Variants in FAM53B observed in about 807,000 individuals in gnomAD.
The protein encoded by FAM53B is family with sequence similarity 53 member B, also known as protein FAM53B.
A neutral mutation model predicts 32.7 loss-of-function variants in FAM53B; 12 were observed. The observed-to-expected ratio is 0.37, with a 90% CI of 0.24 to 0.59. FAM53B has a LOEUF of 0.59. Among genes scored for constraint, FAM53B ranks in the 20% least tolerant of loss-of-function variants. The pLI is 0.72. For synonymous variants in FAM53B, 234 were observed against 228.7 expected, an observed-to-expected ratio of 1.02 and a Z score of -0.21; for missense variants, 477 against 577.7, an observed-to-expected ratio of 0.83 and a Z score of 1.79.
At chr10:124,631,623 A>G (rs560808178) in intron 4 of FAM53B, among the ~76,000 whole-genome samples, 2 of 151,618 alleles carry the variant, frequency 1.3e-5, no homozygotes, top group African/African-American at 4.8e-5. Flanking sequence ...CCCGGCCACC[A>G]CTCTCGGGCT....
At chr10:124,667,474 A>C (rs1589744148) in intron 4 of FAM53B, 1 of 739,498 alleles carries the variant, frequency 1.4e-6, no homozygotes, top group Non-Finnish European at 2.5e-6. Flanking sequence ...CCCCCACCTC[A>C]CCTGCCAACA....
At chr10:124,681,528 T>G in intron 4 of FAM53B, 79 bp downstream of exon 4, 1 of 1,293,962 alleles carries the variant, frequency 7.7e-7, no homozygotes, top group Non-Finnish European at 1.0e-6. Context: ...ACTGGCAATC[T>G]ATGCTTGTCT....
chr10:124,710,857 C>A (rs1279752445), intron 1 of FAM53B, among the ~76,000 whole-genome samples: 1 of 152,184 alleles, frequency 6.6e-6, no homozygotes, highest in Non-Finnish European at 1.5e-5. Flanking sequence ...GGGATTTGAA[C>A]CCTGGTGGGC....
chr10:124,638,540 T>C (rs1949448651), intron 4 of FAM53B, among the ~76,000 whole-genome samples: 1 of 152,140 alleles, frequency 6.6e-6, no homozygotes, highest in South Asian at 2.1e-4. Context: ...TCAGAGGGGT[T>C]TGAACAGCAC....
At position 124,622,873 on chromosome 10, in the gene FAM53B, C is replaced by T. The variant is rs1949320817; in HGVS notation, c.*369G>A. 2 of 188,346 alleles carry T rather than the reference C, an allele frequency of 1.1e-5. No homozygotes were observed. The highest frequency in any genetic ancestry group is 1.1e-4 in the Admixed American group (2 of 17,434). The allele number at this position is 188,346 out of a possible 1,614,324, so 11.7% of individuals were successfully genotyped here. ...CCCACCCCAGGCCCTCCCTGACAGCCCCCACCACCAGGGGGATACAGAGCG... is the reference window on the plus strand; with the variant it reads ...CCCACCCCAGGCCCTCCCTGACAGCTCCCACCACCAGGGGGATACAGAGCG... On this transcript the variant is annotated 3_prime_UTR_variant, in exon 5 of 5. Transcript: ENST00000337318.
At chr10:124,696,305 G>A in intron 2 of FAM53B, 93 bp from the exon 3 acceptor site, 2 of 1,083,508 alleles carry the variant, frequency 1.8e-6, no homozygotes, top group African/African-American at 1.6e-5. Flanking sequence ...ACAATAAAAG[G>A]GTGACTGTCC....
intron 4 of FAM53B, among the ~76,000 whole-genome samples, chr10:124,630,306 C>T (rs756008834): frequency 6.6e-6 from 1 of 152,118 alleles, no homozygotes; most frequent in African/African-American, 2.4e-5. Context: ...CCCCGCTACT[C>T]GGGAGGCTGA....
At chr10:124,637,804 C>A (rs558201462) in intron 4 of FAM53B, among the ~76,000 whole-genome samples, 137 of 152,304 alleles carry the variant, frequency 9.0e-4, no homozygotes, top group African/African-American at 3.2e-3. Context: ...GCTTCCTAAA[C>A]CTCTCTCTCC....
Position 124,622,777 on chromosome 10 carries a change from G to A in FAM53B, c.*465C>T, listed in dbSNP as rs879306025. ...AGTAAAACTGAGTGAAAGAAGCTGCGGGGCCGACTCCCCAGAAGTGAACCT... is the reference window on the plus strand; with the variant it reads ...AGTAAAACTGAGTGAAAGAAGCTGCAGGGCCGACTCCCCAGAAGTGAACCT... On this transcript the variant is annotated 3_prime_UTR_variant, in exon 5 of 5. Transcript: ENST00000337318. 7.7e-5 allele frequency: 12 copies of A among 156,372 alleles called. No homozygotes were observed. Among genetic ancestry groups the A allele is most frequent in the Non-Finnish European group, 1.4e-4 (10 of 70,946 alleles). 9.7% of individuals were successfully genotyped at this position (156,372 alleles called of 1,614,324 possible).
rs547309838 is a variant in FAM53B at position 124,722,123 on chromosome 10, G to C, written c.-174-15236C>G. 3.3e-5 allele frequency among the ~76,000 whole-genome samples: 5 copies of C among 152,240 alleles called. No homozygotes were observed. The South Asian group carries it at 8.3e-4, about 25-fold the overall frequency. On this transcript the variant is annotated intron_variant, in intron 1 of 4. Coordinates refer to ENST00000337318, the MANE Select transcript of FAM53B (RefSeq NM_014661.4). ...AAGGAGTACGTTCTAGTGTTCTATA[G>C]CACTGTAGGATGACTAGAGTTAACA... is the stretch of plus-strand genomic sequence containing the variant.
chr10:124,667,330 G>A (rs1949678665), intron 4 of FAM53B: 2 of 710,104 alleles, frequency 2.8e-6, no homozygotes, highest in South Asian at 3.0e-5. Flanking sequence ...TTATATATGT[G>A]GCTTGAGTTC....
At chr10:124,707,649 G>A (rs544001585) in intron 1 of FAM53B, among the ~76,000 whole-genome samples, 166 of 152,340 alleles carry the variant, frequency 1.1e-3, no homozygotes, top group African/African-American at 3.6e-3. Flanking sequence ...TGAGGCAGGA[G>A]AATCGCTTGA....
At chr10:124,674,415 T>A (rs1039622633) in intron 4 of FAM53B, among the ~76,000 whole-genome samples, 1 of 152,198 alleles carries the variant, frequency 6.6e-6, no homozygotes, top group African/African-American at 2.4e-5. Context: ...AATGAGACAT[T>A]TAACACAGTG....
At position 124,696,147 on chromosome 10, in the gene FAM53B, T is replaced by G; in HGVS notation, c.133+11A>C. 6.2e-7 allele frequency: 1 copy of G among 1,612,716 alleles called. No individual in the cohort carries two copies. Among genetic ancestry groups the G allele is most frequent in the South Asian group, 1.1e-5 (1 of 91,054 alleles). ...AGGAGGACAGCTTCCAGGATGGCCT[T>G]GAGTACTTACCCATAATTCCACAAG... On this transcript the variant is annotated intron_variant, in intron 3 of 4. Coordinates refer to ENST00000337318, the MANE Select transcript of FAM53B (RefSeq NM_014661.4).
At chr10:124,723,795 A>G (rs911770516) in intron 1 of FAM53B, among the ~76,000 whole-genome samples, 2 of 152,374 alleles carry the variant, frequency 1.3e-5, no homozygotes, top group South Asian at 2.1e-4. Context: ...GAGCCTCCAC[A>G]GAGAGCAAAA....
chr10:124,705,029 C>T (rs1949943160), intron 2 of FAM53B, among the ~76,000 whole-genome samples: 1 of 152,228 alleles, frequency 6.6e-6, no homozygotes, highest in African/African-American at 2.4e-5. Context: ...AGGCTGCCAT[C>T]GAGCAAACAC....
intron 4 of FAM53B, 148 bp from the exon 5 acceptor site, chr10:124,623,752 T>A (rs1949327972): frequency 1.2e-6 from 1 of 803,736 alleles, no homozygotes; most frequent in Non-Finnish European, 1.9e-6. Context: ...GACGGGCCCA[T>A]GAGCAACGTA....
intron 2 of FAM53B, among the ~76,000 whole-genome samples, chr10:124,703,001 ACT>A (rs1949925853): frequency 6.6e-6 from 1 of 151,040 alleles, no homozygotes; most frequent in Non-Finnish European, 1.5e-5. Context: ...TTCTGCCATG[ACT>A]GGAAGCTTCG....
chr10:124,681,348 G>A (rs944800320), intron 4 of FAM53B, among the ~76,000 whole-genome samples: 1 of 152,074 alleles, frequency 6.6e-6, no homozygotes, highest in East Asian at 1.9e-4. Flanking sequence ...CCAACACCCC[G>A]CCTCTCACCA....
Sources: allele counts gnomAD v4.1 joint callset (sites outside exome capture counted in the v4.1 genomes callset), GRCh38; gene constraint gnomAD v4.1.1; transcripts MANE v1.5; gene names NCBI Gene and HGNC (gene_info 2026-07-23, HGNC 2026-07-21).